Variants in SYDE2 observed in about 807,000 individuals in gnomAD.
SYDE2 encodes the protein rho GTPase-activating protein SYDE2.
SYDE2 carries 76 observed loss-of-function variants against 91.5 expected under a neutral mutation model. The observed-to-expected ratio is 0.83, with a 90% CI of 0.69 to 1.01. The LOEUF (loss-of-function observed/expected upper bound fraction) is 1.01, where lower values mean the gene tolerates loss of function less well. SYDE2 is among the 50% of genes least tolerant of loss of function. SYDE2 has a pLI of 0.00. For synonymous variants in SYDE2, 513 were observed against 506.4 expected (o/e 1.01, Z -0.18); for missense variants, 1,364 against 1,367.7 (o/e 1.00, Z 0.04).
chr1:85,160,242 T>C, intron 6 of SYDE2: 2 of 964,002 alleles, frequency 2.1e-6, no homozygotes, highest in Non-Finnish European at 2.5e-6. Flanking sequence ...TAATGAATGC[T>C]TGTTTGCTGT....
intron 4 of SYDE2, among the ~76,000 whole-genome samples, chr1:85,173,293 G>A (rs1302821201): frequency 6.6e-6 from 1 of 152,164 alleles, no homozygotes; most frequent in Non-Finnish European, 1.5e-5. Flanking sequence ...TACAGGCAAA[G>A]AAAGGGCTGT....
downstream of SYDE2, among the ~76,000 whole-genome samples, chr1:85,155,140 T>C (rs1656852991): frequency 1.3e-5 from 2 of 151,354 alleles, no homozygotes; most frequent in Non-Finnish European, 2.9e-5. Context: ...TTGATGAAGC[T>C]GATTAAGAAG....
Position 85,159,052 on chromosome 1 carries a change from AG to A in SYDE2, c.3282del (p.Cys1095ValfsTer7). 5.1e-6 allele frequency: 4 copies of A among 780,852 alleles called. No homozygotes were observed. The highest frequency in any genetic ancestry group is 9.6e-6 in the Non-Finnish European group (4 of 417,976). 48.4% of individuals were successfully genotyped at this position (780,852 alleles called of 1,614,324 possible). ...GTATTTAAAAAGTAGTTTTCCCCAC[AG>A]CTGCTCCAGTCTCCTGCATAACGAT... ...LSNRYAGDWSSCGENYFLNTK... is the reference protein window; with the variant it reads ...LSNRYAGDWSXCGENYFLNTK... On this transcript the variant is annotated frameshift_variant, in exon 7 of 7. Coordinates refer to ENST00000341460, the MANE Select transcript of SYDE2 (RefSeq NM_032184.2). LOFTEE classifies it high-confidence loss of function.
At position 85,182,259 on chromosome 1, in the gene SYDE2, T is replaced by C; in HGVS notation, c.2383A>G (p.Met795Val). Residue 795 changes from methionine to valine, a missense_variant, in exon 3 of 7, where the codon ATG becomes GTG. Met to Val is a conservative substitution (Grantham distance 21). Transcript: ENST00000341460. Reference sequence around the variant, plus strand: ...TGAAGAGAATTCTCCCACTGTTCCATAAGAGTCACTTTCACATAAATAAGA... The same window carrying C: ...TGAAGAGAATTCTCCCACTGTTCCACAAGAGTCACTTTCACATAAATAAGA... ...RGLIYVKVTL[M>V]EQWENSLHGL... is the part of the protein sequence containing the mutation. 6.2e-7 allele frequency: 1 copy of C among 1,612,672 alleles called. No homozygotes were observed. Among genetic ancestry groups the C allele is most frequent in the Non-Finnish European group, 8.5e-7 (1 of 1,179,482 alleles).
rs777854036 is a variant in SYDE2 at position 85,182,251 on chromosome 1, C to G, written c.2391G>C (p.Gln797His). The G allele has an allele frequency of 8.7e-6, 14 of 1,611,442 alleles. No individual in the cohort carries two copies. Among genetic ancestry groups the G allele is most frequent in the African/African-American group, 2.7e-5 (2 of 74,744 alleles). Residue 797 changes from glutamine to histidine, a missense_variant, in exon 3 of 7, where the codon CAG becomes CAC. By Grantham distance (24) the Gln-to-His change is conservative (BLOSUM62 0). Transcript: ENST00000341460. ...CTAGTCCATGAAGAGAATTCTCCCA[C>G]TGTTCCATAAGAGTCACTTTCACAT... ...LIYVKVTLME[Q>H]WENSLHGLDI...
intron 1 of SYDE2, among the ~76,000 whole-genome samples, chr1:85,198,391 G>A (rs1658677887): frequency 6.6e-6 from 1 of 151,974 alleles, no homozygotes; most frequent in African/African-American, 2.4e-5. Context: ...TTTTTAAAAA[G>A]CTCTCCAAAT....
intron 6 of SYDE2, chr1:85,159,972 G>A: frequency 1.2e-5 from 12 of 984,464 alleles, no homozygotes; most frequent in Non-Finnish European, 1.4e-5. Context: ...AGTATGCATT[G>A]TGCTAGCCAT....
At chr1:85,162,812 T>C (rs181359949) in intron 6 of SYDE2, among the ~76,000 whole-genome samples, 147 of 152,302 alleles carry the variant, frequency 9.7e-4, no homozygotes, top group African/African-American at 3.4e-3. Context: ...CTTAATGGTA[T>C]CTCCAGGGAA....
intron 4 of SYDE2, among the ~76,000 whole-genome samples, chr1:85,174,348 A>G (rs1439717849): frequency 6.6e-6 from 1 of 152,184 alleles, no homozygotes; most frequent in Non-Finnish European, 1.5e-5. Flanking sequence ...TTACAGCACA[A>G]TCTGTCCAAA....
chr1:85,197,773 G>C (rs185931704), intron 1 of SYDE2, among the ~76,000 whole-genome samples: 7 of 152,138 alleles, frequency 4.6e-5, no homozygotes, highest in Non-Finnish European at 7.4e-5. Context: ...TCCTGCCTCA[G>C]CCTCCCGAGT....
chr1:85,182,274 C>T lies in SYDE2; in HGVS notation c.2368G>A (p.Val790Met), dbSNP rs775074708. Residue 790 changes from valine to methionine, a missense_variant, in exon 3 of 7, where the codon GTG becomes ATG. Coordinates refer to ENST00000341460, the MANE Select transcript of SYDE2 (RefSeq NM_032184.2). ...VKLEPRGLIY[V>M]KVTLMEQWEN... ...CACTGTTCCATAAGAGTCACTTTCA[C>T]ATAAATAAGACCTCTAGGTTCAAGT... 5.0e-6 allele frequency: 8 copies of T among 1,613,120 alleles called. No individual in the cohort carries two copies. The highest frequency in any genetic ancestry group is 2.2e-5 in the South Asian group (2 of 90,892).
intron 3 of SYDE2, among the ~76,000 whole-genome samples, chr1:85,178,707 T>C (rs1343647057): frequency 6.6e-6 from 1 of 152,158 alleles, no homozygotes; most frequent in African/African-American, 2.4e-5. Flanking sequence ...TCTTTAAAAC[T>C]CAGTTTCTTT....
intron 2 of SYDE2, among the ~76,000 whole-genome samples, chr1:85,184,709 C>CA (rs1458025192): frequency 1.3e-5 from 2 of 151,698 alleles, no homozygotes; most frequent in East Asian, 1.9e-4. Flanking sequence ...ACAAAAGATA[C>CA]AAAAAAATTA....
At chr1:85,156,250 C>T (rs991604373), downstream of SYDE2, among the ~76,000 whole-genome samples, 10 of 151,600 alleles carry the variant, frequency 6.6e-5, 1 homozygote, top group Admixed American at 2.0e-4. Context: ...GTTTTTAATC[C>T]TAAAAAACAT....
At chr1:85,172,571 C>T (rs563374894) in intron 4 of SYDE2, among the ~76,000 whole-genome samples, 1 of 151,930 alleles carries the variant, frequency 6.6e-6, no homozygotes, top group Non-Finnish European at 1.5e-5. Flanking sequence ...AAATGCCAGA[C>T]AAAATATCTG....
Position 85,183,171 on chromosome 1 carries a change from T to C in SYDE2, c.1471A>G (p.Thr491Ala). The C allele has an allele frequency of 1.9e-6, 3 of 1,584,122 alleles. No individual in the cohort carries two copies. The highest frequency in any genetic ancestry group is 2.6e-6 in the Non-Finnish European group (3 of 1,169,646). The part of the protein sequence containing the change: ...GSGILAATNS[T>A]ELGIMEPSSP... ...GATGGTTCCATAATTCCCAATTCAG[T>C]ACTATTTGTAGCAGCCAGGATCCCA... The change falls in exon 3 of 7, where the codon ACT (threonine) becomes GCT (alanine). Residue 491 changes from threonine to alanine, a missense_variant. Physicochemically the swap from Thr to Ala is moderately conservative, Grantham distance 58 (BLOSUM62 0). Transcript: ENST00000341460.
At chr1:85,153,974 T>C (rs957906696), downstream of SYDE2, 1 of 152,150 alleles carries the variant, frequency 6.6e-6, no homozygotes, top group African/African-American at 2.4e-5. Flanking sequence ...AATTTCTGCC[T>C]GAGTTAGCAA....
chr1:85,164,973 G>T (rs1657210995), intron 5 of SYDE2, among the ~76,000 whole-genome samples: 1 of 152,162 alleles, frequency 6.6e-6, no homozygotes, highest in African/African-American at 2.4e-5. Flanking sequence ...AGTGGCTCAT[G>T]CCTGTAATCC....
At chr1:85,197,068 TTTATA>T (rs2100696600) in intron 1 of SYDE2, among the ~76,000 whole-genome samples, 1 of 152,322 alleles carries the variant, frequency 6.6e-6, no homozygotes, top group East Asian at 1.9e-4. Context: ...TTAAAACTTA[TTTATA>T]AAGATTTATA....
Sources: allele counts gnomAD v4.1 joint callset (sites outside exome capture counted in the v4.1 genomes callset), GRCh38; gene constraint gnomAD v4.1.1; transcripts MANE v1.5; gene names NCBI Gene and HGNC (gene_info 2026-07-23, HGNC 2026-07-21).